The following PARP6 variants were observed in gnomAD, a reference collection of about 807,000 sequenced individuals.
PARP6 encodes poly(ADP-ribose) polymerase family member 6.
Under a neutral mutation model 92.0 loss-of-function variants are expected in PARP6, and 27 were observed. The observed-to-expected ratio is 0.29, with a 90% CI of 0.22 to 0.40. The LOEUF (loss-of-function observed/expected upper bound fraction) is 0.40. Ranked by LOEUF, PARP6 falls within the 10% of genes least tolerant of loss-of-function variation. The pLI is 1.00. For missense variants in PARP6, 501 were observed against 784.5 expected, an observed-to-expected ratio of 0.64 and a Z score of 4.32; for synonymous variants, 272 against 281.2, an observed-to-expected ratio of 0.97 and a Z score of 0.33.
intron 8 of PARP6, among the ~76,000 whole-genome samples, chr15:72,262,050 A>G (rs11853101): frequency 0.22 from 33,144 of 152,090 alleles, 3,850 homozygotes; most frequent in East Asian, 0.41. Flanking sequence ...AAGTGGTAGG[A>G]TGGAGGTGAG....
At chr15:72,272,267 C>T (rs1475710162) in intron 1 of PARP6, 126 bp downstream of exon 1, 6 of 152,550 alleles carry the variant, frequency 3.9e-5, no homozygotes, top group Non-Finnish European at 2.9e-5. Flanking sequence ...ACCCCAAAAA[C>T]ACCCAACACC....
In PARP6 at chr15:72,241,859, C is replaced by T; in HGVS notation, c.1790+42G>A. 1 of 1,413,828 alleles carries T rather than the reference C, an allele frequency of 7.1e-7. No individual in the cohort carries two copies. Among genetic ancestry groups the T allele is most frequent in the African/African-American group, 1.4e-5 (1 of 71,116 alleles). 87.6% of individuals were successfully genotyped at this position (1,413,828 alleles called of 1,614,324 possible). A position where few individuals can be genotyped will look rare whatever the true frequency, so the allele number is the denominator to read the frequency against. On this transcript the variant is annotated intron_variant, in intron 23 of 23. Coordinates refer to ENST00000569795, the MANE Select transcript of PARP6 (RefSeq NM_001323532.2). This position sits in a 1 kb window ranked among gnomAD's most constrained non-coding sequence, Gnocchi z 4.1. ...TAGCCACACACCATCACACCCCCAA[C>T]CTCACTCCTCGAGTAATCCCCAGAG... is the stretch of plus-strand genomic sequence containing the variant.
chr15:72,266,831 G>T lies in PARP6; in HGVS notation c.4-9C>A. On this transcript the variant is annotated splice_polypyrimidine_tract_variant and intron_variant, in intron 3 of 23. Transcript: ENST00000569795. ...AACTGGCCTTTGATGTCCTAGTGGTGAGAAATAAGGATATCATGCTTTGTT... is the reference window on the plus strand; with the variant it reads ...AACTGGCCTTTGATGTCCTAGTGGTTAGAAATAAGGATATCATGCTTTGTT... 6.2e-7 allele frequency: 1 copy of T among 1,603,506 alleles called. No homozygotes were observed. The highest frequency in any genetic ancestry group is 8.5e-7 in the Non-Finnish European group (1 of 1,170,436).
chr15:72,259,963 T>C (rs759387065), intron 10 of PARP6, among the ~76,000 whole-genome samples: 3 of 152,230 alleles, frequency 2.0e-5, no homozygotes, highest in Non-Finnish European at 2.9e-5. Context: ...ATCTCCAGAC[T>C]CTGTGCTTCA....
chr15:72,243,457 A>C (rs540457003), intron 20 of PARP6: 22 of 152,358 alleles, frequency 1.4e-4, no homozygotes, highest in Non-Finnish European at 2.9e-4. Context: ...TTTGTACAGG[A>C]AATCACAATG....
rs554106794 is a variant in PARP6, at chr15:72,252,383, G to A, written c.1259+1054C>T. Among the ~76,000 whole-genome samples the A allele has an allele frequency of 1.7e-4, 26 of 152,200 alleles. No homozygotes were observed. In the East Asian group the frequency reaches 2.5e-3, roughly 15 times the overall value. On this transcript the variant is annotated intron_variant, in intron 16 of 23. Coordinates refer to ENST00000569795, the MANE Select transcript of PARP6 (RefSeq NM_001323532.2). ...ACTGTGGTAGATTTTAAGTGTTCTC[G>A]CCACAAAAAATACATACGCGAGATA...
chr15:72,256,849 T>C (rs1249165319), intron 13 of PARP6, among the ~76,000 whole-genome samples: 1 of 152,212 alleles, frequency 6.6e-6, no homozygotes, highest in Non-Finnish European at 1.5e-5. Context: ...CCAGATAATT[T>C]TCCTACGGAA....
rs2087606494 is a variant in PARP6 at position 72,272,550 on chromosome 15, G to C, written c.-617C>G. On this transcript the variant is annotated 5_prime_UTR_variant, in exon 1 of 24. Transcript: ENST00000569795. ...CCGCAGCCGACGGGACGAGCGGCCC[G>C]GGACGCCCCGCGGGGGCGGAGCGGC... The C allele has an allele frequency of 6.6e-6, 1 of 150,876 alleles. No homozygotes were observed. The highest frequency in any genetic ancestry group is 1.5e-5 in the Non-Finnish European group (1 of 67,648). The allele number at this position is 150,876 out of a possible 1,614,324, so 9.3% of individuals were successfully genotyped here. A position where few individuals can be genotyped will look rare whatever the true frequency, so the allele number is the denominator to read the frequency against.
chr15:72,251,317 T>A, intron 16 of PARP6, 62 bp from the exon 17 acceptor site: 2 of 962,850 alleles, frequency 2.1e-6, no homozygotes, highest in East Asian at 2.5e-5. Context: ...CTATCCTTTC[T>A]GAACAAGCCA....
chr15:72,254,585 GA>G, intron 14 of PARP6, 65 bp from the exon 15 acceptor site: 1 of 1,286,860 alleles, frequency 7.8e-7, no homozygotes, highest in Non-Finnish European at 1.1e-6. Context: ...AAGATGTGAT[GA>G]AAAGGGGCTA....
chr15:72,252,704 C>T (rs1415417959), intron 16 of PARP6, among the ~76,000 whole-genome samples: 2 of 152,062 alleles, frequency 1.3e-5, no homozygotes, highest in African/African-American at 4.8e-5. Context: ...AGGCTGGTCT[C>T]GAACTCCCAA....
intron 5 of PARP6, 152 bp downstream of exon 5, chr15:72,265,745 A>T: frequency 1.5e-6 from 1 of 659,670 alleles, no homozygotes; most frequent in Non-Finnish European, 2.6e-6. Context: ...CTTACTCTCT[A>T]CTCTCAGCCA....
intron 20 of PARP6, among the ~76,000 whole-genome samples, chr15:72,246,329 T>C (rs2083597585): frequency 6.6e-6 from 1 of 152,164 alleles, no homozygotes; most frequent in African/African-American, 2.4e-5. Flanking sequence ...TTTCTATTTT[T>C]AGTAGAGACA....
At chr15:72,264,138 C>T (rs1421587746) in intron 8 of PARP6, among the ~76,000 whole-genome samples, 3 of 152,046 alleles carry the variant, frequency 2.0e-5, no homozygotes, top group African/African-American at 4.8e-5. Context: ...ATCCAGTGGA[C>T]TCTATTTGAA....
At chr15:72,255,784 CTTTTTTTTTTTTTT>C (rs67560148) in intron 14 of PARP6, among the ~76,000 whole-genome samples, 7 of 92,866 alleles carry the variant, frequency 7.5e-5, no homozygotes, top group African/African-American at 2.4e-4. Flanking sequence ...TTACTTCTCT[CTTTTTTTTTTTTTT>C]TTTTTTTTTT....
intron 9 of PARP6, among the ~76,000 whole-genome samples, chr15:72,261,048 G>A (rs1441193744): frequency 1.3e-5 from 2 of 152,170 alleles, no homozygotes; most frequent in African/African-American, 2.4e-5. Context: ...ACTGCGCTAG[G>A]CAAGAAGTAG....
chr15:72,261,806 G>T, intron 8 of PARP6, 99 bp from the exon 9 acceptor site: 1 of 1,154,214 alleles, frequency 8.7e-7, no homozygotes, highest in Non-Finnish European at 1.3e-6. Flanking sequence ...CCCAAGGACT[G>T]CAAAGCTAGT....
chr15:72,270,722 C>T (rs779712009), intron 2 of PARP6, among the ~76,000 whole-genome samples: 1 of 152,204 alleles, frequency 6.6e-6, no homozygotes, highest in Non-Finnish European at 1.5e-5. Context: ...TTTATTAAAA[C>T]AGAAACAACT....
At position 72,250,855 on chromosome 15, in the gene PARP6, A is replaced by C; in HGVS notation, c.1408T>G (p.Phe470Val). ...CCCCAGCCTCCTCACTGGAAGGCAA[A>C]GGTGCTGCCATAGAGCTTCTTGGCG... ...RTAKKLYGST[F>V]AFHGSHIENW... Residue 470 changes from phenylalanine (F) to valine (V), a missense_variant, in exon 18 of 24, where the codon TTT (phenylalanine) becomes GTT (valine). This residue lies in a region of PARP6 where 191 missense variants were observed against 399.1 expected (regional missense o/e 0.48). Transcript: ENST00000569795. 1 of 1,607,388 alleles carries C rather than the reference A, an allele frequency of 6.2e-7. No homozygotes were observed. Among genetic ancestry groups the C allele is most frequent in the Non-Finnish European group, 8.5e-7 (1 of 1,174,972 alleles).
Sources: gnomAD v4.1 joint callset for allele counts (sites outside exome capture counted in the v4.1 genomes callset) on GRCh38, gnomAD v4.1.1 for gene constraint, gnomAD v4.1.1 regional missense constraint, Gnocchi (gnomAD v3.1) non-coding constraint, MANE v1.5 for transcripts, NCBI Gene and HGNC (gene_info 2026-07-23, HGNC 2026-07-21) for gene names.